SLC35D1: variants seen among roughly 807,000 people sequenced by gnomAD.
SLC35D1 encodes the protein nucleotide sugar transporter SLC35D1.
In SLC35D1, 31 loss-of-function variants were observed where a neutral mutation model predicts 46.7. That is an observed-to-expected ratio of 0.66 (90% CI 0.50 to 0.90). SLC35D1 has a LOEUF of 0.90. SLC35D1 is among the 40% of genes least tolerant of loss of function. The probability of loss-of-function intolerance (pLI) is 0.00; values close to 1 mark genes in which losing one functional copy is unlikely to be tolerated. For synonymous variants in SLC35D1, 195 were observed against 164.6 expected (o/e 1.18, Z -1.41); for missense variants, 397 against 426.2 (o/e 0.93, Z 0.60).
At chr1:67,005,443 T>G (rs1667427848) in intron 11 of SLC35D1, among the ~76,000 whole-genome samples, 2 of 152,202 alleles carry the variant, frequency 1.3e-5, no homozygotes, top group South Asian at 4.1e-4. Flanking sequence ...TGGCGCTTGT[T>G]CTTTACTGCA....
In SLC35D1 at chr1:67,050,501, C is replaced by T; in HGVS notation, c.396G>A (p.Leu132=). 1 of 1,597,612 alleles carries T rather than the reference C, an allele frequency of 6.3e-7. No homozygotes were observed. The highest frequency in any genetic ancestry group is 8.5e-7 in the Non-Finnish European group (1 of 1,176,802). Residue 132 remains leucine (L), a synonymous_variant, in exon 5 of 12, where the codon TTG becomes TTA. Coordinates refer to ENST00000235345, the MANE Select transcript of SLC35D1 (RefSeq NM_015139.3). ...ACCTTCTCAGAACTGTAAACATTGG[C>T]AAGCTGGAAAAAAAAAAGATAATTA... ...TGLFSTKKLN[L]PMFTVLRRFS...
At chr1:66,994,332 T>C in the SLC35D1 span, among the ~76,000 whole-genome samples, 3 of 152,168 alleles carry the variant, frequency 2.0e-5, no homozygotes, top group Non-Finnish European at 4.4e-5. Flanking sequence ...TTCTGATGGC[T>C]GATGAAAACA....
In SLC35D1 at chr1:67,052,896, A is replaced by T. The variant is rs763054519; in HGVS notation, c.238-39T>A. The T allele has an allele frequency of 6.2e-6, 10 of 1,613,942 alleles. No individual in the cohort carries two copies. The East Asian group carries it at 2.0e-4, about 32-fold the overall frequency. On this transcript the variant is annotated intron_variant, in intron 2 of 11. Coordinates refer to ENST00000235345, the MANE Select transcript of SLC35D1 (RefSeq NM_015139.3). ...AACACAGATTCACTGTTCTACACAT[A>T]AAGACACACACAGAAGTTCTAACAA... is the stretch of plus-strand genomic sequence containing the variant.
downstream of SLC35D1, among the ~76,000 whole-genome samples, chr1:66,998,542 A>G (rs986747270): frequency 1.3e-5 from 2 of 152,186 alleles, no homozygotes. Context: ...TTGTACACCC[A>G]TGTTCATAGC....
downstream of SLC35D1, among the ~76,000 whole-genome samples, chr1:66,995,862 T>C (rs76389703): frequency 4.0e-3 from 605 of 152,346 alleles, 5 homozygotes; most frequent in African/African-American, 0.014. Flanking sequence ...TTTGTGAACA[T>C]TGTCCTCAAA....
chr1:67,037,536 T>C (rs1190159883), intron 8 of SLC35D1, among the ~76,000 whole-genome samples: 6 of 152,152 alleles, frequency 3.9e-5, no homozygotes, highest in African/African-American at 1.4e-4. Context: ...CAAGAAAATA[T>C]TGTGACTACT....
chr1:66,995,946 A>G (rs1434696813), downstream of SLC35D1, among the ~76,000 whole-genome samples: 2 of 152,178 alleles, frequency 1.3e-5, no homozygotes, highest in Non-Finnish European at 2.9e-5. Flanking sequence ...AAACCCTCCT[A>G]TTTCTTTCTC....
the SLC35D1 span, chr1:66,976,800 T>C: frequency 8.0e-7 from 1 of 1,253,732 alleles, no homozygotes; most frequent in Middle Eastern, 2.4e-4. Flanking sequence ...TTAATTATTA[T>C]TTTGATAATC....
intron 5 of SLC35D1, 142 bp from the exon 6 acceptor site, chr1:67,049,992 G>A: frequency 1.4e-6 from 1 of 707,700 alleles, no homozygotes; most frequent in Non-Finnish European, 2.4e-6. Flanking sequence ...ATATTTAAAA[G>A]AACCCCTTTG....
intron 10 of SLC35D1, among the ~76,000 whole-genome samples, chr1:67,015,994 A>G (rs1356332630): frequency 1.3e-5 from 2 of 152,050 alleles, no homozygotes; most frequent in African/African-American, 4.8e-5. Context: ...TTTGACCTCA[A>G]ACTAACTTTT....
chr1:67,005,678 T>C (rs559482327), intron 11 of SLC35D1, among the ~76,000 whole-genome samples: 2 of 152,294 alleles, frequency 1.3e-5, no homozygotes, highest in Non-Finnish European at 2.9e-5. Flanking sequence ...GTCCATTTTA[T>C]AGATGAGGAA....
At chr1:67,012,334 A>G (rs543507784) in intron 10 of SLC35D1, among the ~76,000 whole-genome samples, 3 of 152,216 alleles carry the variant, frequency 2.0e-5, no homozygotes, top group African/African-American at 4.8e-5. Flanking sequence ...TCACTATCTG[A>G]GCTTATTCCT....
At position 67,053,965 on chromosome 1, in the gene SLC35D1, G is replaced by C. The variant is rs768122990; in HGVS notation, c.49C>G (p.Pro17Ala). Residue 17 changes from proline to alanine, a missense_variant, in exon 1 of 12, where the codon CCC becomes GCC. Physicochemically the swap from Pro to Ala is conservative, Grantham distance 27. Coordinates refer to ENST00000235345, the MANE Select transcript of SLC35D1 (RefSeq NM_015139.3). ...RQHARVKGEAPAKSSTLRDEE... is the reference protein window; with the variant it reads ...RQHARVKGEAAAKSSTLRDEE... ...TCTCGGAGTGTGGAGGATTTCGCGG[G>C]GGCTTCTCCTTTAACCCGAGCATGC... The C allele has an allele frequency of 6.2e-7, 1 of 1,613,578 alleles. No individual in the cohort carries two copies. Among genetic ancestry groups the C allele is most frequent in the Admixed American group, 1.7e-5 (1 of 60,018 alleles).
At chr1:66,974,644 T>C in the SLC35D1 span, among the ~76,000 whole-genome samples, 3 of 152,138 alleles carry the variant, frequency 2.0e-5, no homozygotes, top group African/African-American at 7.2e-5. Context: ...GTATTAAAAG[T>C]ATAACCTTGA....
the SLC35D1 span, chr1:66,973,050 C>G: frequency 1.1e-6 from 1 of 872,448 alleles, no homozygotes; most frequent in Non-Finnish European, 1.9e-6. Context: ...CTCAAATGGT[C>G]ATGTATCGTA....
At chr1:67,009,000 C>A in intron 11 of SLC35D1, 85 bp downstream of exon 11, 1 of 673,218 alleles carries the variant, frequency 1.5e-6, no homozygotes, top group Admixed American at 2.1e-5. Flanking sequence ...ATAAATGTTC[C>A]ATTAATTTAA....
chr1:67,054,024 G>A lies in SLC35D1; in HGVS notation c.-11C>T. 2 of 1,607,094 alleles carry A rather than the reference G, an allele frequency of 1.2e-6. No homozygotes were observed. ...ATGAACTTCCGCCATGGCTGCCGCA[G>A]CAGCGGTGGCCTGGCGGCGGGGCCT... On this transcript the variant is annotated 5_prime_UTR_variant, in exon 1 of 12. Coordinates refer to ENST00000235345, the MANE Select transcript of SLC35D1 (RefSeq NM_015139.3).
At chr1:66,989,743 G>A in the SLC35D1 span, among the ~76,000 whole-genome samples, 10 of 152,290 alleles carry the variant, frequency 6.6e-5, no homozygotes, top group Non-Finnish European at 1.2e-4. Flanking sequence ...GATTACAGGC[G>A]TGAGCCACCA....
chr1:67,013,344 C>T (rs1667614685), intron 10 of SLC35D1, among the ~76,000 whole-genome samples: 1 of 150,868 alleles, frequency 6.6e-6, no homozygotes, highest in Non-Finnish European at 1.5e-5. Context: ...CCCAGGAGTT[C>T]AAGACTAGCC....
Sources: gnomAD v4.1 joint callset for allele counts (sites outside exome capture counted in the v4.1 genomes callset) on GRCh38, gnomAD v4.1.1 for gene constraint, MANE v1.5 for transcripts, NCBI Gene and HGNC (gene_info 2026-07-23, HGNC 2026-07-21) for gene names.